ADAMTSL5: variants seen among roughly 807,000 people sequenced by gnomAD.
ADAMTSL5 encodes ADAMTS like 5, also known as ADAMTS-like protein 5.
A neutral mutation model predicts 51.7 loss-of-function variants in ADAMTSL5; 53 were observed. The observed-to-expected ratio is 1.03, with a 90% confidence interval of 0.82 to 1.29. The LOEUF (loss-of-function observed/expected upper bound fraction) is 1.29, where lower values mean the gene tolerates loss of function less well. Among genes scored for constraint, ADAMTSL5 ranks in the 50% most tolerant of loss-of-function variants. The pLI is 0.00. For synonymous variants in ADAMTSL5, 285 were observed against 278.7 expected, an observed-to-expected ratio of 1.02 and a Z score of -0.23; for missense variants, 770 against 676.2, an observed-to-expected ratio of 1.14 and a Z score of -1.54.
In ADAMTSL5 at chr19:1,506,784, C is replaced by CG. The variant is rs747391301; in HGVS notation, c.996dup (p.Ala333ArgfsTer23). The stretch of plus-strand genomic sequence containing the variant: ...TGTGCAGGGGTGACAGCAGGGGCTG[C>CG]GGGGGGCTGAGGCTCCACCCCCCGG... On this transcript the variant is annotated frameshift_variant, in exon 10 of 12. Transcript: ENST00000330475. LOFTEE classifies it high-confidence loss of function. The surrounding 1 kb of genome is among the most constrained non-coding windows in gnomAD (Gnocchi z 5.6). The CG allele has an allele frequency of 5.3e-5, 82 of 1,542,080 alleles. No individual in the cohort carries two copies. Among genetic ancestry groups the CG allele is most frequent in the East Asian group, 1.4e-4 (6 of 41,446 alleles).
chr19:1,510,087 C>T, intron 5 of ADAMTSL5, 63 bp downstream of exon 5: 1 of 1,349,086 alleles, frequency 7.4e-7, no homozygotes, highest in East Asian at 2.4e-5. Flanking sequence ...AAGACCCTCT[C>T]CCTGAGACTA....
At chr19:1,510,570 G>A in intron 3 of ADAMTSL5, 69 bp downstream of exon 3, 4 of 1,469,612 alleles carry the variant, frequency 2.7e-6, no homozygotes, top group Admixed American at 2.3e-5. Context: ...GCAGGCCGAG[G>A]GTGCGGCCAG....
chr19:1,510,619 C>T lies in ADAMTSL5; in HGVS notation c.191+20G>A, dbSNP rs1476419573. On this transcript the variant is annotated intron_variant, in intron 3 of 11. Transcript: ENST00000330475. ...CCGGCGGGGGAGGAGGGGCAGGGAC[C>T]CCCTCCGGGCCCCGCTCACCGGAGG... 1 of 1,521,206 alleles carries T rather than the reference C, an allele frequency of 6.6e-7. No homozygotes were observed. Among genetic ancestry groups the T allele is most frequent in the Non-Finnish European group, 8.8e-7 (1 of 1,133,122 alleles). The allele number at this position is 1,521,206 out of a possible 1,614,324, so 94.2% of individuals were successfully genotyped here.
chr19:1,509,132 G>A (rs1204258735), intron 5 of ADAMTSL5, among the ~76,000 whole-genome samples: 1 of 151,376 alleles, frequency 6.6e-6, no homozygotes, highest in African/African-American at 2.4e-5. Flanking sequence ...GTGGGAGCCT[G>A]TAATCCCAGC....
At position 1,506,077 on chromosome 19, in the gene ADAMTSL5, G is replaced by T; in HGVS notation, c.1354C>A (p.Arg452=). The T allele has an allele frequency of 6.3e-7, 1 of 1,598,094 alleles. No homozygotes were observed. Among genetic ancestry groups the T allele is most frequent in the Non-Finnish European group, 8.5e-7 (1 of 1,175,946 alleles). ...CTGTCCTCCGCAGGGCTCCAGGGCC[G>T]GGCGTAGCCGGCGTGGGGCAGCAGC... ...QLLLPHAGYA[R]PWSPAEDSRI... The change falls in exon 12 of 12, where the codon CGG becomes AGG. Residue 452 remains arginine, a synonymous_variant. Coordinates refer to ENST00000330475, the MANE Select transcript of ADAMTSL5 (RefSeq NM_213604.3). This position sits in a 1 kb window ranked among gnomAD's most constrained non-coding sequence, Gnocchi z 5.6.
intron 6 of ADAMTSL5, 126 bp from the exon 7 acceptor site, chr19:1,508,235 C>T: frequency 1.6e-6 from 2 of 1,240,906 alleles, no homozygotes; most frequent in Non-Finnish European, 2.2e-6. Context: ...TAGGGAGGAG[C>T]AGGACCTGGC....
rs1490656242 is a variant in ADAMTSL5 at position 1,511,077 on chromosome 19, G to A, written c.-134C>T. 1.4e-5 allele frequency: 8 copies of A among 582,286 alleles called. No individual in the cohort carries two copies. Among genetic ancestry groups the A allele is most frequent in the Non-Finnish European group, 1.8e-5 (7 of 383,910 alleles). 36.1% of individuals were successfully genotyped at this position (582,286 alleles called of 1,614,324 possible). A position where few individuals can be genotyped will look rare whatever the true frequency, so the allele number is the denominator to read the frequency against. On this transcript the variant is annotated 5_prime_UTR_variant, in exon 2 of 12. Coordinates refer to ENST00000330475, the MANE Select transcript of ADAMTSL5 (RefSeq NM_213604.3). The stretch of plus-strand genomic sequence containing the variant: ...ACGGGGTAATAGAGCCTCCCTTACA[G>A]GAAAGTTGAGGGGTCCTGTGGATCA...
chr19:1,507,678 G>A (rs764696246), intron 7 of ADAMTSL5, 35 bp from the exon 8 acceptor site: 23 of 1,584,302 alleles, frequency 1.5e-5, no homozygotes, highest in Non-Finnish European at 2.0e-5. Context: ...TGGGGTGCCA[G>A]TGGGGGTGTA....
chr19:1,507,641 C>G lies in ADAMTSL5; in HGVS notation c.604G>C (p.Ala202Pro). The G allele has an allele frequency of 6.2e-7, 1 of 1,613,458 alleles. No individual in the cohort carries two copies. Among genetic ancestry groups the G allele is most frequent in the African/African-American group, 1.3e-5 (1 of 75,032 alleles). Residue 202 changes from alanine (A) to proline (P), a missense_variant and splice_region_variant, in exon 8 of 12, where the codon GCC (alanine) becomes CCC (proline). By Grantham distance (27) the Ala-to-Pro change is conservative. Coordinates refer to ENST00000330475, the MANE Select transcript of ADAMTSL5 (RefSeq NM_213604.3). ...GTCACGTTCCAGTACCCAGCGAAGG[C>G]ACCTGGGTGGGAGGGTAGGAGGGTG... is the stretch of plus-strand genomic sequence containing the variant. ...FVQRVFRDAG[A>P]FAGYWNVTLI...
intron 7 of ADAMTSL5, 26 bp from the exon 8 acceptor site, chr19:1,507,669 G>A: frequency 1.2e-6 from 2 of 1,604,000 alleles, no homozygotes. Flanking sequence ...GGAGGGTGTT[G>A]GGGTGCCAGT....
chr19:1,511,510 G>A, intron 1 of ADAMTSL5: 1 of 1,176,682 alleles, frequency 8.5e-7, no homozygotes, highest in Non-Finnish European at 1.1e-6. Context: ...CTATAATGCA[G>A]ACAGTAGGTG....
At position 1,510,947 on chromosome 19, in the gene ADAMTSL5, G is replaced by C; in HGVS notation, c.-4C>G. The C allele has an allele frequency of 7.0e-7, 1 of 1,422,198 alleles. No individual in the cohort carries two copies. The highest frequency in any genetic ancestry group is 9.2e-7 in the Non-Finnish European group (1 of 1,091,328). The allele number at this position is 1,422,198 out of a possible 1,614,324, so 88.1% of individuals were successfully genotyped here. ...GGAACAGAGGGGCCGAGTCCATAGA[G>C]CCACCGCCAGAGACACAGGGTTGTG... On this transcript the variant is annotated 5_prime_UTR_variant, in exon 2 of 12. Transcript: ENST00000330475.
At position 1,510,370 on chromosome 19, in the gene ADAMTSL5, G is replaced by T; in HGVS notation, c.250C>A (p.Pro84Thr). ...DSHEYRLCQL[P>T]DCPPGAVPFR... ...TCTGGGAGGTGGGCAGGGCTTACTG[G>T]CAACTGGCAGAGGCGGTACTCATGG... The change falls in exon 4 of 12, where the codon CCA becomes ACA. Residue 84 changes from proline (P) to threonine (T), a missense_variant and splice_region_variant. Physicochemically the swap from Pro to Thr is conservative, Grantham distance 38 (BLOSUM62 -1). Transcript: ENST00000330475. 10 of 1,613,668 alleles carry T rather than the reference G, an allele frequency of 6.2e-6. No homozygotes were observed. The highest frequency in any genetic ancestry group is 8.5e-6 in the Non-Finnish European group (10 of 1,179,914).
rs1316673071 is a variant in ADAMTSL5 at position 1,507,345 on chromosome 19, C to T, written c.749G>A (p.Gly250Glu). 5 of 1,591,804 alleles carry T rather than the reference C, an allele frequency of 3.1e-6. No homozygotes were observed. Among genetic ancestry groups the T allele is most frequent in the East Asian group, 2.2e-5 (1 of 44,632 alleles). The change falls in exon 9 of 12, where the codon GGG becomes GAG. Residue 250 changes from glycine to glutamate, a missense_variant. Physicochemically the swap from Gly to Glu is moderately conservative, Grantham distance 98 (BLOSUM62 -2). Coordinates refer to ENST00000330475, the MANE Select transcript of ADAMTSL5 (RefSeq NM_213604.3). The part of the protein sequence containing the change: ...LNGHWVVSPP[G>E]TYEAAGTHVV... ...ATGCGTGCCGGCCGCCTCGTAGGTC[C>T]CTGGTGGGCTGACCACCCAGTGCCC... is the stretch of plus-strand genomic sequence containing the variant.
At chr19:1,508,237 G>T in intron 6 of ADAMTSL5, 128 bp from the exon 7 acceptor site, 3 of 1,243,356 alleles carry the variant, frequency 2.4e-6, no homozygotes, top group Non-Finnish European at 3.3e-6. Context: ...GGGAGGAGCA[G>T]GACCTGGCGG....
rs568662489 is a variant in ADAMTSL5 at position 1,505,882 on chromosome 19, G to A, written c.*133C>T. On this transcript the variant is annotated 3_prime_UTR_variant, in exon 12 of 12. Transcript: ENST00000330475. The stretch of plus-strand genomic sequence containing the variant: ...AGGTGTCTTAAGCGTGTGTGGGAGG[G>A]AGTCACATAGCTGCACAGGTGGGAC... The A allele has an allele frequency of 2.2e-5, 26 of 1,163,558 alleles. No individual in the cohort carries two copies. The highest frequency in any genetic ancestry group is 3.1e-5 in the Admixed American group (1 of 32,116). 72.1% of individuals were successfully genotyped at this position (1,163,558 alleles called of 1,614,324 possible).
rs1405442254 is a variant in ADAMTSL5 at position 1,510,633 on chromosome 19, G to A, written c.191+6C>T. On this transcript the variant is annotated splice_donor_region_variant and intron_variant, in intron 3 of 11. Coordinates refer to ENST00000330475, the MANE Select transcript of ADAMTSL5 (RefSeq NM_213604.3). Reference sequence around the variant, plus strand: ...GGGGCAGGGACCCCCTCCGGGCCCCGCTCACCGGAGGCAGCGCCGGCTGCG... The same window carrying A: ...GGGGCAGGGACCCCCTCCGGGCCCCACTCACCGGAGGCAGCGCCGGCTGCG... The A allele has an allele frequency of 2.6e-6, 4 of 1,532,278 alleles. No homozygotes were observed. Among genetic ancestry groups the A allele is most frequent in the East Asian group, 2.5e-5 (1 of 39,842 alleles). The allele number at this position is 1,532,278 out of a possible 1,614,324, so 94.9% of individuals were successfully genotyped here.
intron 1 of ADAMTSL5, chr19:1,511,744 C>T (rs547603688): frequency 3.2e-5 from 15 of 466,144 alleles, no homozygotes; most frequent in East Asian, 7.4e-5. Flanking sequence ...AAGGTGCGGC[C>T]GGCAGGGGCT....
Position 1,507,236 on chromosome 19 carries a change from T to G in ADAMTSL5, c.852+6A>C, listed in dbSNP as rs765103208. ...CCCTCTGACCCTGTTGGAGGCCCAG[T>G]GGCACCTGTAGGAGCAGGTCATGGG... On this transcript the variant is annotated splice_donor_region_variant and intron_variant, in intron 9 of 11. Transcript: ENST00000330475. 4.6e-5 allele frequency: 70 copies of G among 1,528,428 alleles called. No individual in the cohort carries two copies. Among genetic ancestry groups the G allele is most frequent in the Non-Finnish European group, 6.1e-5 (69 of 1,139,616 alleles). The allele number at this position is 1,528,428 out of a possible 1,614,324, so 94.7% of individuals were successfully genotyped here.
Sources: gnomAD v4.1 joint callset for allele counts (sites outside exome capture counted in the v4.1 genomes callset) on GRCh38, gnomAD v4.1.1 for gene constraint, Gnocchi (gnomAD v3.1) non-coding constraint, MANE v1.5 for transcripts, NCBI Gene and HGNC (gene_info 2026-07-23, HGNC 2026-07-21) for gene names.